CAB39L: variants seen among roughly 807,000 people sequenced by gnomAD.
The protein encoded by CAB39L is calcium-binding protein 39-like.
A neutral mutation model predicts 39.1 loss-of-function variants in CAB39L; 23 were observed. The observed-to-expected ratio is 0.59, with a 90% CI of 0.42 to 0.83. The LOEUF is 0.83. CAB39L is among the 40% of genes least tolerant of loss of function. The probability of loss-of-function intolerance (pLI) is 0.00; values close to 1 mark genes in which losing one functional copy is unlikely to be tolerated. For missense variants in CAB39L, 366 were observed against 391.9 expected, an observed-to-expected ratio of 0.93 and a Z score of 0.56; for synonymous variants, 126 against 137.2, an observed-to-expected ratio of 0.92 and a Z score of 0.57.
intron 7 of CAB39L, among the ~76,000 whole-genome samples, chr13:49,345,441 C>A (rs545726175): frequency 6.6e-6 from 1 of 152,128 alleles, no homozygotes; most frequent in Admixed American, 6.5e-5. Context: ...TTTTTCCCCC[C>A]CAGTGGAGCA....
chr13:49,394,509 T>C (rs1032459384), intron 3 of CAB39L, among the ~76,000 whole-genome samples: 5 of 152,104 alleles, frequency 3.3e-5, no homozygotes, highest in African/African-American at 1.2e-4. Context: ...TCTGGCTTTA[T>C]AGTAATTCCA....
At chr13:49,401,039 A>G (rs542560669) in intron 3 of CAB39L, 29 of 152,340 alleles carry the variant, frequency 1.9e-4, no homozygotes, top group Admixed American at 7.2e-4. Flanking sequence ...TAATGCATAT[A>G]TAAGTAATAA....
chr13:49,315,757 C>T (rs775107779), intron 10 of CAB39L, among the ~76,000 whole-genome samples: 7 of 151,584 alleles, frequency 4.6e-5, no homozygotes, highest in Non-Finnish European at 7.4e-5. Context: ...TGGTGGTGTG[C>T]GCCTGTAATC....
chr13:49,373,588 A>T (rs183225614), intron 5 of CAB39L, among the ~76,000 whole-genome samples: 1 of 152,354 alleles, frequency 6.6e-6, no homozygotes, highest in African/African-American at 2.4e-5. Flanking sequence ...TCTTCTAAAC[A>T]ATTTACTGAT....
Position 49,309,280 on chromosome 13 carries a change from G to A in CAB39L, c.*1534C>T, listed in dbSNP as rs1031993044. On this transcript the variant is annotated 3_prime_UTR_variant, in exon 11 of 11. Coordinates refer to ENST00000409308, the MANE Select transcript of CAB39L (RefSeq NM_001079670.3). Reference sequence around the variant, plus strand: ...CGCCAGGCCCCACATCACCTGCCTCGGGGTCCATGCCAGGCAAGAAAGAAA... The same window carrying A: ...CGCCAGGCCCCACATCACCTGCCTCAGGGTCCATGCCAGGCAAGAAAGAAA... The A allele has an allele frequency of 6.6e-6, 1 of 152,262 alleles. No homozygotes were observed. The highest frequency in any genetic ancestry group is 1.5e-5 in the Non-Finnish European group (1 of 68,086). The allele number at this position is 152,262 out of a possible 1,614,324, so 9.4% of individuals were successfully genotyped here.
At chr13:49,373,398 TCTC>T (rs1395605516) in intron 5 of CAB39L, among the ~76,000 whole-genome samples, 3 of 152,192 alleles carry the variant, frequency 2.0e-5, no homozygotes, top group Admixed American at 6.5e-5. Context: ...AATGTGCCAT[TCTC>T]CTAGGTTATC....
intron 5 of CAB39L, among the ~76,000 whole-genome samples, chr13:49,371,622 G>A (rs766214300): frequency 3.3e-5 from 5 of 151,908 alleles, no homozygotes; most frequent in Admixed American, 6.6e-5. Context: ...TTTGAGACAG[G>A]GTCTCATTCT....
rs144456344 is a variant in CAB39L, at chr13:49,425,555, T to C, written c.-32+7763A>G. ...AAAATGCATAGCTCTGGTAGCAAAATTATTTGGTAAACTATGCAAAAACAG... is the reference window on the plus strand; with the variant it reads ...AAAATGCATAGCTCTGGTAGCAAAACTATTTGGTAAACTATGCAAAAACAG... On this transcript the variant is annotated intron_variant, in intron 3 of 10. Transcript: ENST00000409308. 1.9e-3 allele frequency among the ~76,000 whole-genome samples: 285 copies of C among 152,236 alleles called. 2 individuals are homozygous for C. Among genetic ancestry groups the C allele is most frequent in the African/African-American group, 6.5e-3 (269 of 41,534 alleles).
intron 3 of CAB39L, among the ~76,000 whole-genome samples, chr13:49,390,703 A>T (rs927512953): frequency 3.3e-5 from 5 of 152,230 alleles, no homozygotes; most frequent in Non-Finnish European, 5.9e-5. Context: ...CATTCTTGGA[A>T]CTAAGAACAT....
chr13:49,325,036 TCAAA>T (rs1458045222), intron 10 of CAB39L, among the ~76,000 whole-genome samples: 2 of 152,226 alleles, frequency 1.3e-5, no homozygotes, highest in Non-Finnish European at 2.9e-5. Context: ...AGCAGGATTA[TCAAA>T]CAGAGCCGTA....
At chr13:49,348,427 G>C (rs1014876209) in intron 7 of CAB39L, among the ~76,000 whole-genome samples, 1 of 152,148 alleles carries the variant, frequency 6.6e-6, no homozygotes, top group Non-Finnish European at 1.5e-5. Context: ...AATTAGCCGA[G>C]CATGGTGGTA....
chr13:49,316,398 AAAG>A (rs1566402629), intron 10 of CAB39L, among the ~76,000 whole-genome samples: 1 of 152,212 alleles, frequency 6.6e-6, no homozygotes, highest in African/African-American at 2.4e-5. Flanking sequence ...CCTAACATTT[AAAG>A]AAGAATTAAC....
In CAB39L at chr13:49,333,620, G is replaced by A. The variant is rs1302196594; in HGVS notation, c.691-1530C>T. Reference sequence around the variant, plus strand: ...AGAGTGTCACTCTGTCGCCCAGGCTGGAGTGCAGTGGCGCGATCTCGGCTC... The same window carrying A: ...AGAGTGTCACTCTGTCGCCCAGGCTAGAGTGCAGTGGCGCGATCTCGGCTC... On this transcript the variant is annotated intron_variant, in intron 9 of 10. Transcript: ENST00000409308. Among the ~76,000 whole-genome samples the A allele has an allele frequency of 3.6e-5, 5 of 139,136 alleles. No homozygotes were observed. In the East Asian group the frequency reaches 1.1e-3, roughly 29 times the overall value. 91.3% of individuals were successfully genotyped at this position (139,136 alleles called of 152,430 possible).
chr13:49,392,482 C>T (rs929091897), intron 3 of CAB39L, among the ~76,000 whole-genome samples: 1 of 150,380 alleles, frequency 6.6e-6, no homozygotes, highest in African/African-American at 2.4e-5. Context: ...ACTAAAAATA[C>T]AAAAAAAAAT....
intron 5 of CAB39L, among the ~76,000 whole-genome samples, chr13:49,372,635 C>T (rs546439752): frequency 6.6e-5 from 10 of 152,224 alleles, no homozygotes; most frequent in African/African-American, 2.4e-4. Flanking sequence ...TAGAAAACCA[C>T]CCCTTCTTCA....
intron 3 of CAB39L, among the ~76,000 whole-genome samples, chr13:49,428,325 G>T (rs1490723680): frequency 6.6e-6 from 1 of 152,208 alleles, no homozygotes. Context: ...TGCTGTTTGG[G>T]CCTCTCCATA....
chr13:49,347,853 A>C (rs1181998407), intron 7 of CAB39L, among the ~76,000 whole-genome samples: 1 of 151,408 alleles, frequency 6.6e-6, no homozygotes, highest in Admixed American at 6.6e-5. Flanking sequence ...TCTGTTCCCA[A>C]GCCCTTCCTC....
chr13:49,367,708 G>A (rs1955808061), intron 5 of CAB39L, among the ~76,000 whole-genome samples: 1 of 152,100 alleles, frequency 6.6e-6, no homozygotes, highest in Non-Finnish European at 1.5e-5. Context: ...GTTGAACCCA[G>A]GAGTTTGAGA....
At chr13:49,390,476 G>C (rs567264180) in intron 3 of CAB39L, among the ~76,000 whole-genome samples, 70 of 152,260 alleles carry the variant, frequency 4.6e-4, no homozygotes, top group Non-Finnish European at 8.5e-4. Context: ...AACTAGTACA[G>C]TCCCTCGCTA....
Sources: allele counts gnomAD v4.1 joint callset (sites outside exome capture counted in the v4.1 genomes callset), GRCh38; gene constraint gnomAD v4.1.1; transcripts MANE v1.5; gene names NCBI Gene and HGNC (gene_info 2026-07-23, HGNC 2026-07-21).